The following HSPH1 variants were observed in gnomAD, a reference collection of about 807,000 sequenced individuals.
HSPH1 encodes heat shock protein 105 kDa.
HSPH1 carries 40 observed loss-of-function variants against 100.0 expected under a neutral mutation model. That is an observed-to-expected ratio of 0.40 (90% CI 0.31 to 0.52). The LOEUF (loss-of-function observed/expected upper bound fraction) is 0.52, where lower values mean the gene tolerates loss of function less well. Ranked by LOEUF, HSPH1 falls within the 20% of genes least tolerant of loss-of-function variation. The probability of loss-of-function intolerance (pLI) is 0.54; values close to 1 mark genes in which losing one functional copy is unlikely to be tolerated. For missense variants in HSPH1, 876 were observed against 1,015.1 expected, an observed-to-expected ratio of 0.86 and a Z score of 1.86; for synonymous variants, 403 against 344.0, an observed-to-expected ratio of 1.17 and a Z score of -1.90.
intron 13 of HSPH1, 112 bp from the exon 14 acceptor site, chr13:31,140,421 A>G: frequency 1.1e-6 from 1 of 937,080 alleles, no homozygotes; most frequent in Non-Finnish European, 1.6e-6. Flanking sequence ...TTTTAGTGTT[A>G]ACACAGTTCC....
At chr13:31,158,454 CAGGAGA>C (rs1956778056) in intron 2 of HSPH1, among the ~76,000 whole-genome samples, 1 of 147,670 alleles carries the variant, frequency 6.8e-6, no homozygotes, top group Non-Finnish European at 1.5e-5. Context: ...GAGGCTGAGG[CAGGAGA>C]ATCGCTTTAA....
At chr13:31,151,816 C>T (rs1157900952) in intron 5 of HSPH1, 74 bp from the exon 6 acceptor site, 2 of 1,316,062 alleles carry the variant, frequency 1.5e-6, no homozygotes, top group Non-Finnish European at 2.1e-6. Context: ...TAAAATTACA[C>T]ATGCAGGAAG....
chr13:31,149,386 A>C (rs756267029), intron 8 of HSPH1, among the ~76,000 whole-genome samples: 30 of 152,156 alleles, frequency 2.0e-4, no homozygotes, highest in Non-Finnish European at 4.4e-4. Context: ...CTATATTTAG[A>C]TCTTGACTAT....
At chr13:31,151,583 C>G in intron 6 of HSPH1, 26 bp downstream of exon 6, 1 of 1,594,338 alleles carries the variant, frequency 6.3e-7, no homozygotes, top group Non-Finnish European at 8.5e-7. Context: ...GTGTTTTGGA[C>G]ACTGAGTTCC....
chr13:31,161,917 C>T (rs1481706801), upstream of HSPH1: 4 of 1,514,980 alleles, frequency 2.6e-6, no homozygotes, highest in Non-Finnish European at 2.6e-6. Context: ...AAGGGGAGGT[C>T]CCACTTCCTC....
At position 31,151,677 on chromosome 13, in the gene HSPH1, C is replaced by T. The variant is rs771594568; in HGVS notation, c.595G>A (p.Val199Ile). 3.7e-6 allele frequency: 6 copies of T among 1,612,866 alleles called. No individual in the cohort carries two copies. Among genetic ancestry groups the T allele is most frequent in the Middle Eastern group, 1.6e-4 (1 of 6,080 alleles). ...GCTGAATGTCCCATATCAACAAAAA[C>T]CACTATCCGAGGTTTCTCATCCAGG... ...PSLDEKPRIVVFVDMGHSAFQ... is the reference protein window; with the variant it reads ...PSLDEKPRIVIFVDMGHSAFQ... The change falls in exon 6 of 18, where the codon GTT (valine) becomes ATT (isoleucine). Residue 199 changes from valine (V) to isoleucine (I), a missense_variant. Physicochemically the swap from Val to Ile is conservative, Grantham distance 29 (BLOSUM62 3). Transcript: ENST00000320027.
At chr13:31,158,680 A>G (rs1956790496) in intron 2 of HSPH1, 126 bp downstream of exon 2, 1 of 626,690 alleles carries the variant, frequency 1.6e-6, no homozygotes. Context: ...GAATACTTGA[A>G]TTACATTTTT....
intron 2 of HSPH1, among the ~76,000 whole-genome samples, chr13:31,157,881 T>A (rs1003369654): frequency 6.6e-6 from 1 of 152,166 alleles, no homozygotes; most frequent in Non-Finnish European, 1.5e-5. Flanking sequence ...TTAGGAACTA[T>A]CACTTCAATA....
chr13:31,138,288 G>A, intron 17 of HSPH1, 119 bp downstream of exon 17: 2 of 885,572 alleles, frequency 2.3e-6, no homozygotes, highest in South Asian at 3.0e-5. Flanking sequence ...AAGAAAAGCT[G>A]GTTTCAGTTA....
In HSPH1 at chr13:31,161,558, C is replaced by T; in HGVS notation, c.25G>A (p.Gly9Ser). The stretch of plus-strand genomic sequence containing the variant: ...ACCGCGATGTAGCAGCTCTGCGAGC[C>T]CACGTCCAACCCCACCACCGACATG... MSVVGLDV[G>S]SQSCYIAVAR... Residue 9 changes from glycine to serine, a missense_variant, in exon 1 of 18, where the codon GGC (glycine) becomes AGC (serine). Gly to Ser is a moderately conservative substitution (Grantham distance 56, BLOSUM62 0). Transcript: ENST00000320027. The T allele has an allele frequency of 6.2e-7, 1 of 1,613,750 alleles. No homozygotes were observed. The highest frequency in any genetic ancestry group is 8.5e-7 in the Non-Finnish European group (1 of 1,179,864).
At chr13:31,150,246 C>T (rs1956436730) in intron 7 of HSPH1, 64 bp from the exon 8 acceptor site, 7 of 1,149,356 alleles carry the variant, frequency 6.1e-6, no homozygotes, top group Non-Finnish European at 8.7e-6. Context: ...CTTTTGACAA[C>T]CCAATGAATT....
intron 5 of HSPH1, among the ~76,000 whole-genome samples, 184 bp downstream of exon 5, chr13:31,152,668 C>G (rs1956530260): frequency 6.6e-6 from 1 of 152,126 alleles, no homozygotes; most frequent in Admixed American, 6.6e-5. Flanking sequence ...AAAGCAGATT[C>G]ATAAGTTTGA....
chr13:31,151,129 T>A lies in HSPH1; in HGVS notation c.726A>T (p.Glu242Asp). ...TAGTTTTAAATTCTGCACAAAAATG[T>A]TCCACTAACTTTTCATCGAAGTTTT... Reference protein sequence around the residue: ...GGKNFDEKLVEHFCAEFKTKY... With the variant: ...GGKNFDEKLVDHFCAEFKTKY... Residue 242 changes from glutamate to aspartate, a missense_variant, in exon 7 of 18, where the codon GAA becomes GAT. Physicochemically the swap from Glu to Asp is conservative, Grantham distance 45 (BLOSUM62 2). Coordinates refer to ENST00000320027, the MANE Select transcript of HSPH1 (RefSeq NM_006644.4). 6.2e-7 allele frequency: 1 copy of A among 1,613,484 alleles called. No homozygotes were observed. Among genetic ancestry groups the A allele is most frequent in the South Asian group, 1.1e-5 (1 of 91,040 alleles).
At chr13:31,161,941 G>C (rs564862731), upstream of HSPH1, 3 of 1,535,356 alleles carry the variant, frequency 2.0e-6, no homozygotes, top group African/African-American at 1.4e-5. Flanking sequence ...CTTATGTATC[G>C]CACTGATCAG....
chr13:31,158,450 G>A (rs552400316), intron 2 of HSPH1, among the ~76,000 whole-genome samples: 3 of 151,114 alleles, frequency 2.0e-5, no homozygotes, highest in Non-Finnish European at 4.4e-5. Flanking sequence ...TCAGGAGGCT[G>A]AGGCAGGAGA....
In HSPH1 at chr13:31,154,619, T is replaced by C; in HGVS notation, c.429+14A>G. ...AATGAAATAAAACACACTGCCTTGC[T>C]GAATTATACTTACTGAAATAACACA... On this transcript the variant is annotated intron_variant, in intron 4 of 17. Coordinates refer to ENST00000320027, the MANE Select transcript of HSPH1 (RefSeq NM_006644.4). 4 of 1,614,000 alleles carry C rather than the reference T, an allele frequency of 2.5e-6. No individual in the cohort carries two copies. Among genetic ancestry groups the C allele is most frequent in the Non-Finnish European group, 3.4e-6 (4 of 1,179,878 alleles).
rs985058028 is a variant in HSPH1 at position 31,135,618 on chromosome 13, C to T, written c.*1700G>A. ...CTGAGATGTTGAAGCACCTATCAGA[C>T]GTACAAATGACGAGCTACCTGGTCT... On this transcript the variant is annotated 3_prime_UTR_variant, in exon 18 of 18. Transcript: ENST00000320027. The T allele has an allele frequency of 3.3e-5, 5 of 152,306 alleles. No individual in the cohort carries two copies. Among genetic ancestry groups the T allele is most frequent in the Non-Finnish European group, 7.4e-5 (5 of 68,026 alleles). The allele number at this position is 152,306 out of a possible 1,614,324, so 9.4% of individuals were successfully genotyped here.
intron 6 of HSPH1, 68 bp from the exon 7 acceptor site, chr13:31,151,259 TTACTACTCAAA>T (rs1956478040): frequency 7.9e-7 from 1 of 1,269,082 alleles, no homozygotes; most frequent in Non-Finnish European, 1.1e-6. Context: ...ATCTTAAATA[TTACTACTCAAA>T]CAATGAAAGA....
At position 31,138,707 on chromosome 13, in the gene HSPH1, T is replaced by C. The variant is rs1955974240; in HGVS notation, c.2208+74A>G. The C allele has an allele frequency of 1.2e-5, 19 of 1,549,298 alleles. No homozygotes were observed. In the East Asian group the frequency reaches 4.1e-4, roughly 33 times the overall value. ...ATTTCAAAGTTAAGACTATTCATGA[T>C]GATTCCCAGCTTAAGTGTTAGCTTA... On this transcript the variant is annotated intron_variant, in intron 16 of 17. Transcript: ENST00000320027.
Sources: allele counts gnomAD v4.1 joint callset (sites outside exome capture counted in the v4.1 genomes callset), GRCh38; gene constraint gnomAD v4.1.1; transcripts MANE v1.5; gene names NCBI Gene and HGNC (gene_info 2026-07-23, HGNC 2026-07-21).